DRC4: variants seen among roughly 807,000 people sequenced by gnomAD.
DRC4 encodes the protein dynein regulatory complex subunit 4, also known as GAS-11.
the DRC4 span, chr16:90,044,844 GTC>G: frequency 4.1e-6 from 1 of 242,286 alleles, no homozygotes; most frequent in African/African-American, 2.3e-5. Context: ...AAGGGAAAAA[GTC>G]TCCCACAATT....
At chr16:90,025,992 T>G in the DRC4 span, among the ~76,000 whole-genome samples, 3 of 151,852 alleles carry the variant, frequency 2.0e-5, no homozygotes, top group Admixed American at 1.3e-4. Flanking sequence ...AGCAGTGAAC[T>G]CCTGTGGTCC....
At chr16:90,040,285 G>T in the DRC4 span, 3 of 1,561,424 alleles carry the variant, frequency 1.9e-6, no homozygotes, top group South Asian at 3.5e-5. Context: ...CCCACCCCCA[G>T]CGCTGTCCCT....
chr16:90,035,981 TA>T, the DRC4 span: 2 of 1,157,248 alleles, frequency 1.7e-6, 1 homozygote, highest in Non-Finnish European at 2.3e-6. Flanking sequence ...GCAGCCTTCT[TA>T]AAATAGTCTT....
At chr16:90,033,983 T>A in the DRC4 span, among the ~76,000 whole-genome samples, 1 of 151,206 alleles carries the variant, frequency 6.6e-6, no homozygotes, top group Non-Finnish European at 1.5e-5. Flanking sequence ...TCGAAAGCCG[T>A]GGTGGGGACT....
chr16:90,025,728 CA>C, the DRC4 span, among the ~76,000 whole-genome samples: 3 of 122,666 alleles, frequency 2.4e-5, no homozygotes, highest in Admixed American at 8.2e-5. Context: ...TACTAAAATA[CA>C]AAAAAAAATT....
the DRC4 span, chr16:90,037,454 G>C: frequency 6.5e-7 from 1 of 1,546,578 alleles, no homozygotes; most frequent in East Asian, 2.3e-5. Context: ...CCTAGGCTCA[G>C]GAGGGAGGAG....
chr16:90,033,028 C>T, the DRC4 span: 2,727 of 1,077,998 alleles, frequency 2.5e-3, 32 homozygotes, highest in African/African-American at 0.028. Flanking sequence ...ATTCATATTT[C>T]TGCATAAGAC....
the DRC4 span, among the ~76,000 whole-genome samples, chr16:90,030,507 AT>A: frequency 0.37 from 44,429 of 118,810 alleles, 7,201 homozygotes; most frequent in African/African-American, 0.45. Flanking sequence ...CTCCTGGCTA[AT>A]TTTTTTTTTT....
chr16:90,030,548 A>T, the DRC4 span, among the ~76,000 whole-genome samples: 1 of 124,762 alleles, frequency 8.0e-6, no homozygotes, highest in Admixed American at 9.5e-5. Flanking sequence ...GGGTTTTGCC[A>T]TGTTGCCTAG....
chr16:90,037,107 C>T, the DRC4 span: 3 of 912,314 alleles, frequency 3.3e-6, no homozygotes, highest in African/African-American at 1.7e-5. Flanking sequence ...CGTCTAGGTG[C>T]CAGCATGCCT....
the DRC4 span, chr16:90,029,137 C>CCTACGGGGCAGCCTACGGGGCAGG: frequency 3.3e-6 from 4 of 1,220,982 alleles, no homozygotes; most frequent in South Asian, 1.4e-5. Flanking sequence ...GGCCATGGAG[C>CCTACGGGGCAGCCTACGGGGCAGG]CTACGGGGCA....
chr16:90,040,990 GC>G, the DRC4 span, among the ~76,000 whole-genome samples: 1 of 152,142 alleles, frequency 6.6e-6, no homozygotes. Flanking sequence ...AGGCACTGTG[GC>G]CCCGGGACTG....
chr16:90,035,684 C>A, the DRC4 span: 1 of 1,614,160 alleles, frequency 6.2e-7, no homozygotes, highest in Non-Finnish European at 8.5e-7. Context: ...GAGGCAAGTT[C>A]GAGGTCAGTT....
At chr16:90,042,628 A>G in the DRC4 span, 2 of 1,022,014 alleles carry the variant, frequency 2.0e-6, no homozygotes, top group Admixed American at 1.8e-5. Context: ...ACCTGTGCCC[A>G]CTTCGTACCT....
chr16:90,040,310 A>T, the DRC4 span: 11 of 1,585,730 alleles, frequency 6.9e-6, no homozygotes, highest in Non-Finnish European at 9.4e-6. Context: ...GTGCAGCAGG[A>T]GCGGGACGAG....
At chr16:90,031,239 C>A in the DRC4 span, 1 of 1,604,906 alleles carries the variant, frequency 6.2e-7, no homozygotes, top group Non-Finnish European at 8.5e-7. Flanking sequence ...CGGCCACACG[C>A]CCCGTTGCCG....
At chr16:90,037,318 C>T in the DRC4 span, 2 of 1,614,024 alleles carry the variant, frequency 1.2e-6, no homozygotes, top group East Asian at 4.5e-5. Flanking sequence ...GCCTGGCAGA[C>T]CCTCTCCAGA....
the DRC4 span, chr16:90,035,686 A>T: frequency 6.2e-7 from 1 of 1,614,168 alleles, no homozygotes; most frequent in Non-Finnish European, 8.5e-7. Flanking sequence ...GGCAAGTTCG[A>T]GGTCAGTTTC....
the DRC4 span, chr16:90,028,922 G>C: frequency 7.7e-7 from 1 of 1,292,662 alleles, no homozygotes; most frequent in East Asian, 5.6e-5. Context: ...GTAAAGAATG[G>C]CTTTATTTTA....
Sources: gnomAD v4.1 joint callset for allele counts (sites outside exome capture counted in the v4.1 genomes callset) on GRCh38, gnomAD v4.1.1 for gene constraint, MANE v1.5 for transcripts, NCBI Gene and HGNC (gene_info 2026-07-23, HGNC 2026-07-21) for gene names.